The following LIFR variants were observed in gnomAD, a reference collection of about 807,000 sequenced individuals.
LIFR encodes LIF receptor subunit alpha, also known as leukemia inhibitory factor receptor.
A neutral mutation model predicts 122.2 loss-of-function variants in LIFR; 84 were observed. The observed-to-expected ratio is 0.69, with a 90% CI of 0.58 to 0.82. The LOEUF (loss-of-function observed/expected upper bound fraction) is 0.82, where lower values mean the gene tolerates loss of function less well. LIFR is among the 40% of genes least tolerant of loss of function. LIFR has a pLI of 0.00. For missense variants in LIFR, 1,294 were observed against 1,311.6 expected (o/e 0.99, Z 0.21); for synonymous variants, 422 against 434.7 (o/e 0.97, Z 0.36).
intron 1 of LIFR, among the ~76,000 whole-genome samples, chr5:38,569,768 A>G (rs1221049231): frequency 6.6e-6 from 1 of 151,916 alleles, no homozygotes; most frequent in Non-Finnish European, 1.5e-5. Context: ...TTGTCTTTCC[A>G]CTCTATCTAT....
intron 1 of LIFR, among the ~76,000 whole-genome samples, chr5:38,607,394 C>CT (rs1004061522): frequency 2.6e-5 from 4 of 152,152 alleles, no homozygotes; most frequent in Non-Finnish European, 4.4e-5. Flanking sequence ...ATTATAAAAT[C>CT]TTTTTTGTCT....
chr5:38,605,532 A>T (rs1750310542), intron 2 of LIFR, among the ~76,000 whole-genome samples: 1 of 152,200 alleles, frequency 6.6e-6, no homozygotes, highest in Admixed American at 6.5e-5. Context: ...AGTGTGTGAA[A>T]GGAAAATAAA....
chr5:38,590,373 A>G (rs945217855), intron 1 of LIFR, among the ~76,000 whole-genome samples: 1 of 152,156 alleles, frequency 6.6e-6, no homozygotes, highest in Admixed American at 6.5e-5. Context: ...AATACTTGGT[A>G]ACTTTTCCTT....
intron 14 of LIFR, among the ~76,000 whole-genome samples, chr5:38,492,438 G>C (rs1164778415): frequency 1.3e-5 from 2 of 152,152 alleles, no homozygotes; most frequent in African/African-American, 4.8e-5. Context: ...AATCGTGTAA[G>C]GCTCATTCAG....
Position 38,477,017 on chromosome 5 carries a change from C to T in LIFR, c.*4578G>A, listed in dbSNP as rs1743756154. ...TGGATATATTCTAGACCAAATCACA[C>T]TCCCTGAAACATTACCATGTACAAT... On this transcript the variant is annotated 3_prime_UTR_variant, in exon 20 of 20. Coordinates refer to ENST00000453190, the MANE Select transcript of LIFR (RefSeq NM_001127671.2). 8.9e-6 allele frequency: 2 copies of T among 224,314 alleles called. No individual in the cohort carries two copies. The highest frequency in any genetic ancestry group is 8.9e-6 in the Non-Finnish European group (1 of 112,614). The allele number at this position is 224,314 out of a possible 1,614,324, so 13.9% of individuals were successfully genotyped here.
At chr5:38,520,230 GCAT>G (rs1388614960) in intron 5 of LIFR, among the ~76,000 whole-genome samples, 1 of 152,086 alleles carries the variant, frequency 6.6e-6, no homozygotes, top group Non-Finnish European at 1.5e-5. Flanking sequence ...GTGATATTGA[GCAT>G]TTTTTCATAC....
intron 14 of LIFR, among the ~76,000 whole-genome samples, chr5:38,492,737 G>A (rs1216914611): frequency 6.6e-6 from 1 of 152,160 alleles, no homozygotes; most frequent in Non-Finnish European, 1.5e-5. Flanking sequence ...TAAGGAGCAG[G>A]CTGCTTGCTC....
intron 4 of LIFR, among the ~76,000 whole-genome samples, chr5:38,525,009 A>C (rs1395755263): frequency 1.3e-5 from 2 of 152,252 alleles, no homozygotes; most frequent in African/African-American, 4.8e-5. Context: ...TTAGGAGAAC[A>C]GTGGGCTCTG....
chr5:38,524,478 A>G (rs1435597324), intron 4 of LIFR, among the ~76,000 whole-genome samples: 2 of 152,224 alleles, frequency 1.3e-5, no homozygotes. Context: ...CTAAGATGCC[A>G]TCTATGGAAA....
chr5:38,534,923 A>G (rs1747214327), intron 1 of LIFR, among the ~76,000 whole-genome samples: 1 of 152,162 alleles, frequency 6.6e-6, no homozygotes. Flanking sequence ...ACCTTCCAAA[A>G]TACAAGTGAA....
At chr5:38,518,090 G>A (rs978823543) in intron 5 of LIFR, among the ~76,000 whole-genome samples, 4 of 151,662 alleles carry the variant, frequency 2.6e-5, no homozygotes, top group Admixed American at 1.3e-4. Context: ...CTCCAGCCAA[G>A]TTGACAGAGC....
intron 12 of LIFR, among the ~76,000 whole-genome samples, chr5:38,497,995 T>C (rs893181973): frequency 3.9e-5 from 6 of 152,248 alleles, no homozygotes; most frequent in Non-Finnish European, 5.9e-5. Context: ...GTGAACTTAC[T>C]GTATAAAAAC....
intron 1 of LIFR, among the ~76,000 whole-genome samples, chr5:38,534,388 G>A (rs1451771078): frequency 6.6e-6 from 1 of 152,202 alleles, no homozygotes; most frequent in Non-Finnish European, 1.5e-5. Context: ...TGGCCAGACT[G>A]AGAAGTTCTA....
chr5:38,519,966 T>A (rs1336667067), intron 5 of LIFR, among the ~76,000 whole-genome samples: 1 of 152,206 alleles, frequency 6.6e-6, no homozygotes, highest in East Asian at 1.9e-4. Context: ...ACTGATTTAT[T>A]TTCCTTTGGA....
At chr5:38,591,504 AC>A (rs959220150) in intron 1 of LIFR, among the ~76,000 whole-genome samples, 283 of 152,304 alleles carry the variant, frequency 1.9e-3, no homozygotes, top group African/African-American at 6.4e-3. Context: ...TTATGCTTTA[AC>A]TTTTCATCTG....
rs58036502 is a variant in LIFR, at chr5:38,505,653, T to C, written c.1291+252A>G. On this transcript the variant is annotated intron_variant, in intron 9 of 19. Coordinates refer to ENST00000453190, the MANE Select transcript of LIFR (RefSeq NM_001127671.2). ...ACTTCAAAATAAAAGTTTTTAAAAATTGGGCAGAAGATATTTCAGAAATCA... is the reference window on the plus strand; with the variant it reads ...ACTTCAAAATAAAAGTTTTTAAAAACTGGGCAGAAGATATTTCAGAAATCA... Among the ~76,000 whole-genome samples, 2,466 of 152,202 alleles carry C rather than the reference T, an allele frequency of 0.016. 62 individuals are homozygous for C. Among genetic ancestry groups the C allele is most frequent in the African/African-American group, 0.057 (2,363 of 41,500 alleles).
Position 38,502,867 on chromosome 5 carries a change from A to T in LIFR, c.1438-68T>A, listed in dbSNP as rs961682342. 37 of 836,550 alleles carry T rather than the reference A, an allele frequency of 4.4e-5. 1 individual carries two copies. Among genetic ancestry groups the T allele is most frequent in the Non-Finnish European group, 6.4e-5 (37 of 577,526 alleles). 51.8% of individuals were successfully genotyped at this position (836,550 alleles called of 1,614,324 possible). ...TGTATGAATACATATATATATACAT[A>T]CACATACATACACTTTTTTTTGGTA... On this transcript the variant is annotated intron_variant, in intron 10 of 19. Transcript: ENST00000453190.
chr5:38,497,800 GTT>G (rs1414442680), intron 12 of LIFR, among the ~76,000 whole-genome samples: 14 of 151,938 alleles, frequency 9.2e-5, no homozygotes, highest in Middle Eastern at 3.2e-3. Context: ...CCATAATACA[GTT>G]ATATACATTT....
At chr5:38,605,584 G>A (rs914534717) in intron 2 of LIFR, among the ~76,000 whole-genome samples, 6 of 152,138 alleles carry the variant, frequency 3.9e-5, no homozygotes, top group Admixed American at 2.6e-4. Flanking sequence ...GAAAAGCCAA[G>A]CTGGGAACTG....
Sources: gnomAD v4.1 joint callset for allele counts (sites outside exome capture counted in the v4.1 genomes callset) on GRCh38, gnomAD v4.1.1 for gene constraint, MANE v1.5 for transcripts, NCBI Gene and HGNC (gene_info 2026-07-23, HGNC 2026-07-21) for gene names.